ATRN: variants seen among roughly 807,000 people sequenced by gnomAD.
ATRN encodes the protein attractin-2.
ATRN carries 54 observed loss-of-function variants against 178.7 expected under a neutral mutation model. The observed-to-expected ratio is 0.30, with a 90% CI of 0.24 to 0.38. The LOEUF (loss-of-function observed/expected upper bound fraction) is 0.38, where lower values mean the gene tolerates loss of function less well. Ranked by LOEUF, ATRN falls within the 10% of genes least tolerant of loss-of-function variation. The pLI is 1.00. For missense variants in ATRN, 1,443 were observed against 1,815.1 expected (o/e 0.79, Z 3.73); for synonymous variants, 636 against 663.0 (o/e 0.96, Z 0.63).
intron 1 of ATRN, among the ~76,000 whole-genome samples, chr20:3,493,050 A>AT (rs1409069577): frequency 6.8e-6 from 1 of 146,706 alleles, no homozygotes; most frequent in Non-Finnish European, 1.5e-5. Flanking sequence ...ATATAATTAT[A>AT]TATGTATTAT....
At chr20:3,513,052 G>A (rs923852262) in intron 1 of ATRN, among the ~76,000 whole-genome samples, 124 of 152,256 alleles carry the variant, frequency 8.1e-4, no homozygotes, top group African/African-American at 2.9e-3. Context: ...CTCCCATTCT[G>A]TAGGTTTCCT....
intron 1 of ATRN, among the ~76,000 whole-genome samples, chr20:3,479,515 G>T (rs1388492311): frequency 6.6e-6 from 1 of 152,162 alleles, no homozygotes; most frequent in Admixed American, 6.5e-5. Flanking sequence ...TAGACCATCT[G>T]GGGGAGAAAG....
intron 12 of ATRN, among the ~76,000 whole-genome samples, chr20:3,573,627 C>T (rs2086160626): frequency 6.6e-6 from 1 of 152,086 alleles, no homozygotes; most frequent in Non-Finnish European, 1.5e-5. Flanking sequence ...GCTTCTAGAA[C>T]CTCCCCCATG....
chr20:3,598,045 G>C, intron 22 of ATRN, 45 bp downstream of exon 22: 1 of 1,310,716 alleles, frequency 7.6e-7, no homozygotes, highest in South Asian at 1.2e-5. Flanking sequence ...AATTTGTATG[G>C]ATCTTTTTCT....
At chr20:3,618,763 C>T (rs959856647) in intron 24 of ATRN, among the ~76,000 whole-genome samples, 5 of 151,948 alleles carry the variant, frequency 3.3e-5, no homozygotes, top group African/African-American at 7.3e-5. Flanking sequence ...TGTGTGAGGC[C>T]GGGTGATGGT....
rs2087142323 is a variant in ATRN, at chr20:3,650,916, G to T, written c.*4069G>T. The T allele has an allele frequency of 6.6e-6, 1 of 152,516 alleles. No individual in the cohort carries two copies. Among genetic ancestry groups the T allele is most frequent in the Non-Finnish European group, 1.5e-5 (1 of 68,022 alleles). 9.4% of individuals were successfully genotyped at this position (152,516 alleles called of 1,614,324 possible). A position where few individuals can be genotyped will look rare whatever the true frequency, so the allele number is the denominator to read the frequency against. On this transcript the variant is annotated 3_prime_UTR_variant, in exon 29 of 29. Coordinates refer to ENST00000262919, the MANE Select transcript of ATRN (RefSeq NM_139321.3). Reference sequence around the variant, plus strand: ...AGTATTGTAAACTATTTCATCGCGGGGATTGTGGGTGTTATACATACATTT... The same window carrying T: ...AGTATTGTAAACTATTTCATCGCGGTGATTGTGGGTGTTATACATACATTT...
At chr20:3,594,408 T>C in intron 19 of ATRN, 71 bp from the exon 20 acceptor site, 1 of 1,323,198 alleles carries the variant, frequency 7.6e-7, no homozygotes, top group Admixed American at 2.3e-5. Flanking sequence ...ATTGCTTGTT[T>C]TGGAAAAAGT....
At chr20:3,644,789 C>G (rs562926) in intron 28 of ATRN, among the ~76,000 whole-genome samples, 1 of 152,066 alleles carries the variant, frequency 6.6e-6, no homozygotes, top group Non-Finnish European at 1.5e-5. Context: ...ACAAACACAA[C>G]GATAACATAA....
At chr20:3,564,881 C>T (rs1600110971) in intron 10 of ATRN, among the ~76,000 whole-genome samples, 1 of 151,926 alleles carries the variant, frequency 6.6e-6, no homozygotes, top group Non-Finnish European at 1.5e-5. Context: ...CTGGCTAACA[C>T]GGTGAAACCC....
chr20:3,473,398 T>G (rs1028880454), intron 1 of ATRN, among the ~76,000 whole-genome samples: 11 of 151,936 alleles, frequency 7.2e-5, no homozygotes, highest in African/African-American at 2.7e-4. Flanking sequence ...GGCTTGGGGT[T>G]GAAGCGGATG....
chr20:3,596,367 T>TTC lies in ATRN; in HGVS notation c.3417-10_3417-9insTC, dbSNP rs2086528890. On this transcript the variant is annotated splice_polypyrimidine_tract_variant and intron_variant, in intron 20 of 28. Coordinates refer to ENST00000262919, the MANE Select transcript of ATRN (RefSeq NM_139321.3). Reference sequence around the variant, plus strand: ...AATAGCAGTATAAAATAGTCTTTTTTCCCCCCCAGATGTGAGGTAGAAAAT... The same window carrying TTC: ...AATAGCAGTATAAAATAGTCTTTTTTTCCCCCCCCAGATGTGAGGTAGAAAAT... The TTC allele has an allele frequency of 6.2e-7, 1 of 1,610,758 alleles. No homozygotes were observed. Among genetic ancestry groups the TTC allele is most frequent in the African/African-American group, 1.3e-5 (1 of 74,760 alleles).
intron 26 of ATRN, among the ~76,000 whole-genome samples, chr20:3,635,568 G>T (rs1568776431): frequency 2.0e-5 from 3 of 151,924 alleles, no homozygotes; most frequent in Non-Finnish European, 4.4e-5. Flanking sequence ...GCTGTCTGGG[G>T]TTTTTTTGGA....
rs557656139 is a variant in ATRN at position 3,639,842 on chromosome 20, A to G, written c.4050+907A>G. On this transcript the variant is annotated intron_variant, in intron 27 of 28. Coordinates refer to ENST00000262919, the MANE Select transcript of ATRN (RefSeq NM_139321.3). ...TAAAAAGAACAAACCATAAACCAAA[A>G]CCAGAACCATGATTTGTCCTAAGTG... Among the ~76,000 whole-genome samples the G allele has an allele frequency of 5.3e-5, 8 of 152,268 alleles. No homozygotes were observed. The South Asian group carries it at 1.7e-3, about 32-fold the overall frequency.
chr20:3,534,796 T>C (rs1287898585), intron 1 of ATRN, among the ~76,000 whole-genome samples: 1 of 152,128 alleles, frequency 6.6e-6, no homozygotes, highest in Non-Finnish European at 1.5e-5. Flanking sequence ...AGACTCTGTT[T>C]CTACAAAAAA....
Position 3,499,401 on chromosome 20 carries a change from G to A in ATRN, c.410+27884G>A, listed in dbSNP as rs1286429312. Among the ~76,000 whole-genome samples the A allele has an allele frequency of 4.2e-5, 6 of 142,358 alleles. No homozygotes were observed. In the South Asian group the frequency reaches 1.3e-3, roughly 32 times the overall value. The allele number at this position is 142,358 out of a possible 152,430, so 93.4% of individuals were successfully genotyped here. ...GTCAATCCTAAGCCAAAAGAACAAA[G>A]CTGTAGGCATCACACTACCTGACTT... On this transcript the variant is annotated intron_variant, in intron 1 of 28. Coordinates refer to ENST00000262919, the MANE Select transcript of ATRN (RefSeq NM_139321.3).
intron 22 of ATRN, among the ~76,000 whole-genome samples, chr20:3,599,726 CA>C (rs2086582741): frequency 6.6e-6 from 1 of 152,238 alleles, no homozygotes; most frequent in East Asian, 1.9e-4. Flanking sequence ...TGGGCATGCT[CA>C]GGGGGTCCTG....
intron 27 of ATRN, among the ~76,000 whole-genome samples, chr20:3,642,582 C>G (rs2087077823): frequency 6.6e-6 from 1 of 152,166 alleles, no homozygotes; most frequent in Non-Finnish European, 1.5e-5. Context: ...CCACCGCTGT[C>G]TCTCACCTGG....
At chr20:3,506,624 CAAA>C (rs1234061588) in intron 1 of ATRN, among the ~76,000 whole-genome samples, 5 of 84,236 alleles carry the variant, frequency 5.9e-5, no homozygotes, top group Admixed American at 2.5e-4. Context: ...GACTACATCT[CAAA>C]AAAAAAAAAA....
intron 6 of ATRN, among the ~76,000 whole-genome samples, chr20:3,557,676 A>G (rs531635031): frequency 6.6e-6 from 1 of 152,370 alleles, no homozygotes; most frequent in South Asian, 2.1e-4. Flanking sequence ...AATTACTGTT[A>G]TTGAATGTAG....
Sources: allele counts gnomAD v4.1 joint callset (sites outside exome capture counted in the v4.1 genomes callset), GRCh38; gene constraint gnomAD v4.1.1; transcripts MANE v1.5; gene names NCBI Gene and HGNC (gene_info 2026-07-23, HGNC 2026-07-21).